The following MYOF variants were observed in gnomAD, a reference collection of about 807,000 sequenced individuals.
MYOF encodes myoferlin.
In MYOF, 244 loss-of-function variants were observed where a neutral mutation model predicts 284.2. The ratio of observed to expected loss-of-function variants is 0.86; its 90% CI spans 0.77 to 0.95. The LOEUF is 0.95. Among genes scored for constraint, MYOF ranks in the 40% least tolerant of loss-of-function variants. The pLI is 0.00. For synonymous variants in MYOF, 904 were observed against 919.7 expected, an observed-to-expected ratio of 0.98 and a Z score of 0.31; for missense variants, 2,496 against 2,560.6, an observed-to-expected ratio of 0.97 and a Z score of 0.54.
chr10:93,378,693 G>GTGTGTGTGTATATATATATATATATA lies in MYOF; in HGVS notation c.2001+1169_2001+1170insTATATATATATATATATACACACACA. Among the ~76,000 whole-genome samples, 270 of 87,784 alleles carry GTGTGTGTGTATATATATATATATATA rather than the reference G, an allele frequency of 3.1e-3. 6 individuals carry two copies. Among genetic ancestry groups the GTGTGTGTGTATATATATATATATATA allele is most frequent in the African/African-American group, 0.012 (257 of 20,694 alleles). The allele number at this position is 87,784 out of a possible 152,430, so 57.6% of individuals were successfully genotyped here. Reference sequence around the variant, plus strand: ...TATGTGTGTGTGTATGTGTGTGTGTGTATATATATATATATATATATATGT... The same window carrying GTGTGTGTGTATATATATATATATATA: ...TATGTGTGTGTGTATGTGTGTGTGTGTGTGTGTGTATATATATATATATATATATATATATATATATATATATATGT... On this transcript the variant is annotated intron_variant, in intron 21 of 53. Coordinates refer to ENST00000359263, the MANE Select transcript of MYOF (RefSeq NM_013451.4).
intron 21 of MYOF, among the ~76,000 whole-genome samples, chr10:93,378,117 C>T (rs180835002): frequency 1.0e-3 from 159 of 152,290 alleles, no homozygotes; most frequent in Non-Finnish European, 2.0e-3. Flanking sequence ...TAGCGATTTA[C>T]GGACTGGGGC....
Position 93,396,202 on chromosome 10 carries a change from C to T in MYOF, c.1357G>A (p.Val453Ile). 5 of 1,601,594 alleles carry T rather than the reference C, an allele frequency of 3.1e-6. No individual in the cohort carries two copies. Among genetic ancestry groups the T allele is most frequent in the Admixed American group, 1.7e-5 (1 of 59,218 alleles). Residue 453 changes from valine (V) to isoleucine (I), a missense_variant, in exon 16 of 54, where the codon GTA becomes ATA. Physicochemically the swap from Val to Ile is conservative, Grantham distance 29 (BLOSUM62 3). Coordinates refer to ENST00000359263, the MANE Select transcript of MYOF (RefSeq NM_013451.4). ...YDWDRLTKND[V>I]VGTTYLHLSK... is the part of the protein sequence containing the mutation. ...AGGTGTAGATATGTTGTTCCAACTA[C>T]ATCATTTTTAGTAAGACGGTCCCTG...
rs1847000668 is a variant in MYOF at position 93,396,185 on chromosome 10, A to G, written c.1374T>C (p.Tyr458=). 4 of 1,608,914 alleles carry G rather than the reference A, an allele frequency of 2.5e-6. No homozygotes were observed. The highest frequency in any genetic ancestry group is 1.3e-5 in the African/African-American group (1 of 74,768). ...LTKNDVVGTT[Y]LHLSKIAASG... ...AGGCAGCAATTTTAGAGAGGTGTAG[A>G]TATGTTGTTCCAACTACATCATTTT... The change falls in exon 16 of 54, where the codon TAT becomes TAC. Residue 458 remains tyrosine (Y), a synonymous_variant. Transcript: ENST00000359263.
In MYOF at chr10:93,328,228, G is replaced by A. The variant is rs778322938; in HGVS notation, c.5131+535C>T. 6.6e-5 allele frequency among the ~76,000 whole-genome samples: 10 copies of A among 152,250 alleles called. No homozygotes were observed. The East Asian group carries it at 1.2e-3, about 18-fold the overall frequency. On this transcript the variant is annotated intron_variant, in intron 45 of 53. Transcript: ENST00000359263. ...CGTGCAAAATATGGAAGCACAGTTC[G>A]CATGCTCTATGATGCTTACTGCAGT...
chr10:93,385,680 TG>T (rs1846328597), intron 19 of MYOF, among the ~76,000 whole-genome samples: 1 of 152,216 alleles, frequency 6.6e-6, no homozygotes, highest in African/African-American at 2.4e-5. Context: ...TTAAAATTTT[TG>T]CTTCATTTCA....
At chr10:93,455,994 T>G (rs185983694) in intron 2 of MYOF, among the ~76,000 whole-genome samples, 2 of 152,300 alleles carry the variant, frequency 1.3e-5, no homozygotes, top group Admixed American at 1.3e-4. Flanking sequence ...TATTAAACAC[T>G]GAACCACTTC....
chr10:93,481,182 T>A (rs865848688), intron 1 of MYOF, among the ~76,000 whole-genome samples: 12 of 152,196 alleles, frequency 7.9e-5, no homozygotes, highest in Admixed American at 2.6e-4. Context: ...CAATCAAGTG[T>A]CATAGAAAAA....
chr10:93,381,772 C>T (rs1024776648), intron 19 of MYOF, among the ~76,000 whole-genome samples: 2 of 152,192 alleles, frequency 1.3e-5, no homozygotes, highest in African/African-American at 2.4e-5. Flanking sequence ...TACGGTGGCT[C>T]ATGCCTGTAA....
At chr10:93,415,791 G>A (rs973043624) in intron 5 of MYOF, among the ~76,000 whole-genome samples, 6 of 152,036 alleles carry the variant, frequency 3.9e-5, no homozygotes, top group African/African-American at 1.2e-4. Context: ...ACGTTCATCG[G>A]TTTCCCCCTT....
chr10:93,324,283 C>T (rs1842953066), intron 46 of MYOF: 2 of 152,186 alleles, frequency 1.3e-5, no homozygotes, highest in Admixed American at 6.5e-5. Flanking sequence ...AGAAAGTTGC[C>T]AAGGAAACCA....
intron 31 of MYOF, among the ~76,000 whole-genome samples, chr10:93,354,149 C>T (rs1425611160): frequency 1.3e-5 from 2 of 152,132 alleles, no homozygotes; most frequent in African/African-American, 4.8e-5. Flanking sequence ...CCTAGGCAGG[C>T]AGACTGTTTG....
intron 19 of MYOF, 70 bp downstream of exon 19, chr10:93,387,727 C>G: frequency 7.4e-7 from 1 of 1,344,444 alleles, no homozygotes; most frequent in South Asian, 1.2e-5. Context: ...TTCCGACTCC[C>G]CCAGCTACCC....
chr10:93,454,654 C>T (rs899769316), intron 2 of MYOF, among the ~76,000 whole-genome samples: 1 of 152,112 alleles, frequency 6.6e-6, no homozygotes, highest in Admixed American at 6.6e-5. Context: ...TCCCTCTCAA[C>T]CTGCCTGAGA....
intron 24 of MYOF, 122 bp from the exon 25 acceptor site, chr10:93,369,898 G>T: frequency 1.6e-6 from 2 of 1,261,308 alleles, no homozygotes; most frequent in Non-Finnish European, 2.2e-6. Context: ...TTTTATGTTT[G>T]CTTCAGTTAA....
intron 22 of MYOF, 66 bp downstream of exon 22, chr10:93,377,257 C>T: frequency 9.0e-7 from 1 of 1,107,546 alleles, no homozygotes; most frequent in South Asian, 1.3e-5. Flanking sequence ...ACAGGATTTA[C>T]AGTCTTAGAA....
At chr10:93,405,650 C>A (rs963987962) in intron 7 of MYOF, among the ~76,000 whole-genome samples, 4 of 152,172 alleles carry the variant, frequency 2.6e-5, no homozygotes, top group Non-Finnish European at 4.4e-5. Context: ...CTGTCGGATG[C>A]AAATTGGCCA....
rs879719918 is a variant in MYOF at position 93,384,701 on chromosome 10, T to C, written c.1698+3096A>G. Among the ~76,000 whole-genome samples the C allele has an allele frequency of 1.1e-4, 16 of 151,110 alleles. No homozygotes were observed. The South Asian group carries it at 1.5e-3, about 14-fold the overall frequency. ...TGTAGTCTATTGGACTTAGGTGGGG[T>C]TAGGGCCTTGGGGCTCTCTTTCTGA... On this transcript the variant is annotated intron_variant, in intron 19 of 53. Transcript: ENST00000359263.
rs758509824 is a variant in MYOF, at chr10:93,456,984, T to A, written c.89-47A>T. On this transcript the variant is annotated intron_variant, in intron 1 of 53. Coordinates refer to ENST00000359263, the MANE Select transcript of MYOF (RefSeq NM_013451.4). ...AGACAGCAATCATTTATAAAAAAATTAAAGAGCGTGGGCCATTCATTTATT... is the reference window on the plus strand; with the variant it reads ...AGACAGCAATCATTTATAAAAAAATAAAAGAGCGTGGGCCATTCATTTATT... The A allele has an allele frequency of 2.1e-6, 3 of 1,414,016 alleles. No individual in the cohort carries two copies. In the East Asian group the frequency reaches 6.8e-5, roughly 32 times the overall value. 87.6% of individuals were successfully genotyped at this position (1,414,016 alleles called of 1,614,324 possible). A position where few individuals can be genotyped will look rare whatever the true frequency, so the allele number is the denominator to read the frequency against.
intron 17 of MYOF, among the ~76,000 whole-genome samples, chr10:93,390,881 C>T (rs11187407): frequency 0.073 from 11,071 of 152,008 alleles, 482 homozygotes; most frequent in African/African-American, 0.13. Flanking sequence ...AAAGCTATGG[C>T]ACCATAGTCA....
Sources: gnomAD v4.1 joint callset for allele counts (sites outside exome capture counted in the v4.1 genomes callset) on GRCh38, gnomAD v4.1.1 for gene constraint, MANE v1.5 for transcripts, NCBI Gene and HGNC (gene_info 2026-07-23, HGNC 2026-07-21) for gene names.